LRRIQ1: variants seen among roughly 807,000 people sequenced by gnomAD.
The protein encoded by LRRIQ1 is leucine-rich repeat- and IQ domain-containing protein 1.
In LRRIQ1, 210 loss-of-function variants were observed where a neutral mutation model predicts 211.9. The observed-to-expected ratio is 0.99, with a 90% CI of 0.89 to 1.11. The LOEUF (loss-of-function observed/expected upper bound fraction) is 1.11, where lower values mean the gene tolerates loss of function less well. LRRIQ1 is among the 50% of genes most tolerant of loss of function. LRRIQ1 has a pLI of 0.00. For missense variants in LRRIQ1, 2,136 were observed against 1,939.5 expected, an observed-to-expected ratio of 1.10 and a Z score of -1.90; for synonymous variants, 699 against 650.1, an observed-to-expected ratio of 1.08 and a Z score of -1.14.
At chr12:85,129,113 C>T (rs1250343638) in intron 18 of LRRIQ1, among the ~76,000 whole-genome samples, 2 of 152,174 alleles carry the variant, frequency 1.3e-5, no homozygotes, top group African/African-American at 4.8e-5. Context: ...TTGGTCCCCA[C>T]AGGCAGTTCA....
intron 11 of LRRIQ1, among the ~76,000 whole-genome samples, chr12:85,095,162 T>G (rs186614273): frequency 6.6e-6 from 1 of 152,166 alleles, no homozygotes; most frequent in African/African-American, 2.4e-5. Flanking sequence ...TGAATAGGAG[T>G]GGTGATAGTG....
Position 85,153,730 on chromosome 12 carries a change from GA to G in LRRIQ1, c.4614del (p.Glu1539LysfsTer20). 1 of 1,568,932 alleles carries G rather than the reference GA, an allele frequency of 6.4e-7. No homozygotes were observed. The highest frequency in any genetic ancestry group is 8.6e-7 in the Non-Finnish European group (1 of 1,160,068). Reference protein sequence around the residue: ...KTSRKSLLKSEKEKKISEEWG... With the variant: ...KTSRKSLLKSXKEKKISEEWG... ...CAGTAGAAAGAGTTTGCTAAAATCT[GA>G]AAAAGAAAAAAAAATTTCAGAAGAA... On this transcript the variant is annotated frameshift_variant, in exon 22 of 27. Coordinates refer to ENST00000393217, the MANE Select transcript of LRRIQ1 (RefSeq NM_001079910.2). LOFTEE classifies it high-confidence loss of function.
At chr12:85,254,475 C>G (rs1259659878) in intron 1 of LRRIQ1, among the ~76,000 whole-genome samples, 2 of 151,960 alleles carry the variant, frequency 1.3e-5, no homozygotes, top group East Asian at 3.9e-4. Flanking sequence ...TCACATTTAC[C>G]TTAATTTTCT....
At chr12:85,052,372 C>G in intron 7 of LRRIQ1, 121 bp downstream of exon 7, 1 of 483,068 alleles carries the variant, frequency 2.1e-6, no homozygotes, top group Non-Finnish European at 3.7e-6. Flanking sequence ...TAGTTTATTA[C>G]AGCATTAAAA....
the LRRIQ1 span, among the ~76,000 whole-genome samples, chr12:85,272,732 T>G: frequency 6.6e-6 from 1 of 152,060 alleles, no homozygotes; most frequent in Non-Finnish European, 1.5e-5. Flanking sequence ...GGTAAGAAAG[T>G]GTTTAATTTT....
chr12:85,174,394 G>A (rs1259510992), intron 24 of LRRIQ1, among the ~76,000 whole-genome samples: 1 of 151,724 alleles, frequency 6.6e-6, no homozygotes, highest in African/African-American at 2.4e-5. Flanking sequence ...TCCAACATTT[G>A]ATAAATAATC....
At chr12:85,083,290 T>C (rs1884484331) in intron 11 of LRRIQ1, among the ~76,000 whole-genome samples, 1 of 152,186 alleles carries the variant, frequency 6.6e-6, no homozygotes, top group Non-Finnish European at 1.5e-5. Flanking sequence ...CATATTTATT[T>C]AGATTTTTGA....
At chr12:85,163,577 C>T (rs920863918) in intron 24 of LRRIQ1, among the ~76,000 whole-genome samples, 2 of 152,020 alleles carry the variant, frequency 1.3e-5, no homozygotes, top group Admixed American at 1.3e-4. Flanking sequence ...TTTCTATCTC[C>T]ACTCTGCAAT....
At chr12:85,155,899 T>TTTCAGTAAGG (rs1386598598) in intron 23 of LRRIQ1, among the ~76,000 whole-genome samples, 93 of 151,798 alleles carry the variant, frequency 6.1e-4, no homozygotes, top group Middle Eastern at 3.4e-3. Flanking sequence ...GTAAGGAATA[T>TTTCAGTAAGG]ATGCTAGTAC....
At chr12:85,129,630 G>A (rs1261222116) in intron 18 of LRRIQ1, among the ~76,000 whole-genome samples, 2 of 152,130 alleles carry the variant, frequency 1.3e-5, no homozygotes, top group African/African-American at 2.4e-5. Context: ...AAGAATATTC[G>A]AGGCAAAGGA....
chr12:85,119,664 C>T (rs1398426430), intron 15 of LRRIQ1, among the ~76,000 whole-genome samples: 1 of 152,130 alleles, frequency 6.6e-6, no homozygotes, highest in Non-Finnish European at 1.5e-5. Context: ...ATATCTTCAC[C>T]AGCATTTGGT....
intron 15 of LRRIQ1, among the ~76,000 whole-genome samples, chr12:85,116,040 A>G (rs1887548021): frequency 6.6e-6 from 1 of 152,218 alleles, no homozygotes; most frequent in Non-Finnish European, 1.5e-5. Context: ...TCTTTATGTA[A>G]AACAAGTGGA....
chr12:85,264,480 T>G (rs1397733254), downstream of LRRIQ1: 1 of 152,076 alleles, frequency 6.6e-6, no homozygotes, highest in Non-Finnish European at 1.5e-5. Flanking sequence ...CTGGAAGTTT[T>G]TTTATAGTGC....
chr12:85,205,209 A>G (rs1893483581), intron 24 of LRRIQ1, among the ~76,000 whole-genome samples: 1 of 152,186 alleles, frequency 6.6e-6, no homozygotes, highest in South Asian at 2.1e-4. Context: ...TTCCCCAGCC[A>G]TGTAGAACTG....
At chr12:85,081,984 A>G (rs1047125000) in intron 11 of LRRIQ1, among the ~76,000 whole-genome samples, 1 of 151,808 alleles carries the variant, frequency 6.6e-6, no homozygotes, top group African/African-American at 2.4e-5. Context: ...CGGCGTCCCA[A>G]AGTGCTCAGA....
chr12:85,071,603 A>G (rs987199290), intron 10 of LRRIQ1, among the ~76,000 whole-genome samples: 2 of 152,010 alleles, frequency 1.3e-5, no homozygotes, highest in Admixed American at 6.6e-5. Flanking sequence ...CTCCCTTTAT[A>G]TATATTGTGC....
chr12:85,128,199 G>T (rs372039185), intron 18 of LRRIQ1, among the ~76,000 whole-genome samples, 166 bp downstream of exon 18: 2 of 152,128 alleles, frequency 1.3e-5, no homozygotes, highest in African/African-American at 2.4e-5. Flanking sequence ...GGTTAGCTGC[G>T]GGTTGGCTGT....
intron 24 of LRRIQ1, among the ~76,000 whole-genome samples, chr12:85,176,121 A>T (rs1891685825): frequency 6.6e-6 from 1 of 152,014 alleles, no homozygotes. Flanking sequence ...CACGATACTG[A>T]TTCTTCCTAC....
chr12:85,116,514 A>G (rs1361197678), intron 15 of LRRIQ1, among the ~76,000 whole-genome samples: 1 of 152,154 alleles, frequency 6.6e-6, no homozygotes, highest in Non-Finnish European at 1.5e-5. Context: ...ACCTATCAGC[A>G]GGGTTATTTC....
Sources: allele counts gnomAD v4.1 joint callset (sites outside exome capture counted in the v4.1 genomes callset), GRCh38; gene constraint gnomAD v4.1.1; transcripts MANE v1.5; gene names NCBI Gene and HGNC (gene_info 2026-07-23, HGNC 2026-07-21).